The following SH2B3 variants were observed in gnomAD, a reference collection of about 807,000 sequenced individuals.
The protein encoded by SH2B3 is SH2B adaptor protein 3.
In SH2B3, 43 loss-of-function variants were observed where a neutral mutation model predicts 51.9. That is an observed-to-expected ratio of 0.83 (90% confidence interval 0.65 to 1.07). SH2B3 has a LOEUF of 1.07. Among genes scored for constraint, SH2B3 ranks in the 50% least tolerant of loss-of-function variants. The probability of loss-of-function intolerance (pLI) is 0.00; values close to 1 mark genes in which losing one functional copy is unlikely to be tolerated. For synonymous variants in SH2B3, 396 were observed against 376.0 expected, an observed-to-expected ratio of 1.05 and a Z score of -0.62; for missense variants, 952 against 834.3, an observed-to-expected ratio of 1.14 and a Z score of -1.74.
At chr12:111,408,452 CGATAAATA>C (rs1036296620) in intron 1 of SH2B3, among the ~76,000 whole-genome samples, 1 of 151,260 alleles carries the variant, frequency 6.6e-6, no homozygotes, top group African/African-American at 2.4e-5. Context: ...CCTCCTTCTC[CGATAAATA>C]GAACTTTTGA....
At chr12:111,417,716 C>T (rs1871192545) in intron 1 of SH2B3, among the ~76,000 whole-genome samples, 1 of 152,042 alleles carries the variant, frequency 6.6e-6, no homozygotes, top group Non-Finnish European at 1.5e-5. Flanking sequence ...CTCAGCCTCC[C>T]AAAGTGCTGG....
rs1344426277 is a variant in SH2B3 at position 111,426,632 on chromosome 12, G to C, written c.732+7755G>C. Among the ~76,000 whole-genome samples the C allele has an allele frequency of 3.9e-5, 6 of 152,164 alleles. 1 individual carries two copies. The highest frequency in any genetic ancestry group is 3.9e-4 in the Admixed American group (6 of 15,284). The stretch of plus-strand genomic sequence containing the variant: ...TGAGGGCCCCTTCTGAGCCCTTCTA[G>C]TCTTCTTTAGTTCAAGTACGTAGCA... On this transcript the variant is annotated intron_variant, in intron 2 of 7. Transcript: ENST00000341259.
At position 111,434,878 on chromosome 12, in the gene SH2B3, G is replaced by T. The variant is rs1204698916; in HGVS notation, c.733-11875G>T. 5 of 1,535,366 alleles carry T rather than the reference G, an allele frequency of 3.3e-6. No individual in the cohort carries two copies. The Admixed American group carries it at 5.9e-5, about 18-fold the overall frequency. On this transcript the variant is annotated intron_variant, in intron 2 of 7. Transcript: ENST00000341259. ...GCTAAAATGATAGTAATGAGAGTCC[G>T]TGCCGGGTGGAGCTCAGAAGGACAT...
At chr12:111,444,343 A>T (rs1873721389) in intron 2 of SH2B3, among the ~76,000 whole-genome samples, 1 of 152,252 alleles carries the variant, frequency 6.6e-6, no homozygotes, top group African/African-American at 2.4e-5. Context: ...CCTAGCAGCC[A>T]GAGCAAAGAA....
At chr12:111,411,145 C>T (rs1870663636) in intron 1 of SH2B3, among the ~76,000 whole-genome samples, 1 of 149,562 alleles carries the variant, frequency 6.7e-6, no homozygotes, top group African/African-American at 2.5e-5. Context: ...GTGGGAGGAT[C>T]ACTTGAGCCC....
intron 2 of SH2B3, chr12:111,434,837 C>G (rs759475821): frequency 1.3e-6 from 2 of 1,525,914 alleles, no homozygotes. Context: ...ACATGGTAAA[C>G]GTTCAGTAAA....
In SH2B3 at chr12:111,429,479, C is replaced by A. The variant is rs1872287380; in HGVS notation, c.732+10602C>A. Reference sequence around the variant, plus strand: ...CCCGAGTAGCTGGGATTACAGGCGCCCACCACCACACTCCGCTAATTTTTC... The same window carrying A: ...CCCGAGTAGCTGGGATTACAGGCGCACACCACCACACTCCGCTAATTTTTC... On this transcript the variant is annotated intron_variant, in intron 2 of 7. Coordinates refer to ENST00000341259, the MANE Select transcript of SH2B3 (RefSeq NM_005475.3). This position sits in a 1 kb window ranked among gnomAD's most constrained non-coding sequence, Gnocchi z 4.4. Among the ~76,000 whole-genome samples the A allele has an allele frequency of 6.6e-6, 1 of 152,088 alleles. No individual in the cohort carries two copies. The highest frequency in any genetic ancestry group is 6.6e-5 in the Admixed American group (1 of 15,264).
At chr12:111,437,322 C>T (rs1024800999) in intron 2 of SH2B3, among the ~76,000 whole-genome samples, 1 of 152,194 alleles carries the variant, frequency 6.6e-6, no homozygotes, top group Non-Finnish European at 1.5e-5. Flanking sequence ...CAGGAAAGGG[C>T]TTTTCTGGCA....
chr12:111,428,437 C>A (rs1359345817), intron 2 of SH2B3, among the ~76,000 whole-genome samples: 1 of 152,152 alleles, frequency 6.6e-6, no homozygotes, highest in Non-Finnish European at 1.5e-5. Flanking sequence ...AGCCAGGTGT[C>A]CCTGGTGTGT....
At chr12:111,422,362 G>C (rs1871625466) in intron 2 of SH2B3, among the ~76,000 whole-genome samples, 2 of 152,166 alleles carry the variant, frequency 1.3e-5, no homozygotes, top group Admixed American at 6.5e-5. Flanking sequence ...GCGTTTCCCT[G>C]ATGACTCATG....
intron 2 of SH2B3, chr12:111,434,654 G>A: frequency 2.5e-6 from 1 of 396,368 alleles, no homozygotes; most frequent in South Asian, 1.1e-4. Context: ...ACCTTAGAAA[G>A]GCCTTTCCCC....
At chr12:111,405,578 C>T (rs1332728052), upstream of SH2B3, among the ~76,000 whole-genome samples, 1 of 152,086 alleles carries the variant, frequency 6.6e-6, no homozygotes, top group Non-Finnish European at 1.5e-5. The surrounding 1 kb of genome is among the most constrained non-coding windows in gnomAD (Gnocchi z 5.4). Context: ...GGTGACCTGC[C>T]GGCGTTGAGT....
In SH2B3 at chr12:111,410,630, C is replaced by T. The variant is rs1205160086; in HGVS notation, c.-28+4353C>T. Among the ~76,000 whole-genome samples the T allele has an allele frequency of 1.3e-5, 2 of 152,136 alleles. No individual in the cohort carries two copies. The highest frequency in any genetic ancestry group is 2.9e-5 in the Non-Finnish European group (2 of 68,004). ...TTCCTGTTCTGGCAGACTGTGCTGG[C>T]CTGATAAATGTCCCCGGGGCACAAG... On this transcript the variant is annotated intron_variant, in intron 1 of 7. Coordinates refer to ENST00000341259, the MANE Select transcript of SH2B3 (RefSeq NM_005475.3). The surrounding 1 kb of genome is among the most constrained non-coding windows in gnomAD (Gnocchi z 4.9).
At chr12:111,413,488 G>A (rs1870857436) in intron 1 of SH2B3, among the ~76,000 whole-genome samples, 1 of 152,234 alleles carries the variant, frequency 6.6e-6, no homozygotes, top group Non-Finnish European at 1.5e-5. Context: ...GGGGCCCAAT[G>A]AGGGGGGTTC....
At position 111,435,813 on chromosome 12, in the gene SH2B3, C is replaced by T. The variant is rs1872824295; in HGVS notation, c.733-10940C>T. Among the ~76,000 whole-genome samples the T allele has an allele frequency of 6.6e-6, 1 of 152,248 alleles. No individual in the cohort carries two copies. The highest frequency in any genetic ancestry group is 6.5e-5 in the Admixed American group (1 of 15,302). On this transcript the variant is annotated intron_variant, in intron 2 of 7. Coordinates refer to ENST00000341259, the MANE Select transcript of SH2B3 (RefSeq NM_005475.3). The surrounding 1 kb of genome is among the most constrained non-coding windows in gnomAD (Gnocchi z 4.8). ...CACCTGAAAAAGGTGTGGCCAAGGG[C>T]AGGGGTGCTGGGCTTAGCCAGGCTG... is the stretch of plus-strand genomic sequence containing the variant.
chr12:111,441,891 G>A (rs955373203), intron 2 of SH2B3, among the ~76,000 whole-genome samples: 1 of 152,170 alleles, frequency 6.6e-6, no homozygotes, highest in South Asian at 2.1e-4. Flanking sequence ...GCTCTTTCTG[G>A]GTGTCTCTAA....
intron 2 of SH2B3, among the ~76,000 whole-genome samples, chr12:111,439,446 G>A (rs1459940897): frequency 1.3e-5 from 2 of 151,742 alleles, no homozygotes; most frequent in African/African-American, 2.4e-5. Context: ...CACCGCACCT[G>A]GCCTAATTTT....
intron 2 of SH2B3, among the ~76,000 whole-genome samples, chr12:111,423,592 G>A (rs950918381): frequency 1.3e-5 from 2 of 152,088 alleles, no homozygotes; most frequent in African/African-American, 2.4e-5. Context: ...GGATGGTTTC[G>A]ATCTCCTGAC....
intron 2 of SH2B3, chr12:111,444,845 A>G (rs927764051): frequency 1.0e-6 from 1 of 985,208 alleles, no homozygotes; most frequent in African/African-American, 1.7e-5. Flanking sequence ...GGCATAGGAC[A>G]CCCATACCAC....
Sources: allele counts gnomAD v4.1 joint callset (sites outside exome capture counted in the v4.1 genomes callset), GRCh38; gene constraint gnomAD v4.1.1; non-coding constraint Gnocchi (gnomAD v3.1); transcripts MANE v1.5; gene names NCBI Gene and HGNC (gene_info 2026-07-23, HGNC 2026-07-21).